Variants in PRKN observed in about 807,000 individuals in gnomAD.
PRKN encodes the protein E3 ubiquitin-protein ligase parkin.
A neutral mutation model predicts 59.5 loss-of-function variants in PRKN; 56 were observed. The ratio of observed to expected loss-of-function variants is 0.94; its 90% confidence interval spans 0.76 to 1.18. The LOEUF (loss-of-function observed/expected upper bound fraction) is 1.18. Ranked by LOEUF, PRKN falls within the 50% of genes most tolerant of loss-of-function variation. The pLI, the probability that PRKN is intolerant of heterozygous loss-of-function variation, is 0.00. For missense variants in PRKN, 657 were observed against 596.4 expected (o/e 1.10, Z -1.06); for synonymous variants, 250 against 222.1 (o/e 1.13, Z -1.12).
chr6:162,433,512 CAT>C (rs956296020), intron 2 of PRKN, among the ~76,000 whole-genome samples: 8 of 151,988 alleles, frequency 5.3e-5, no homozygotes, highest in African/African-American at 7.2e-5. Context: ...ATGAAAAAAA[CAT>C]ATAAAAAGTT....
At chr6:162,628,385 T>C (rs1782980915) in intron 1 of PRKN, among the ~76,000 whole-genome samples, 1 of 152,168 alleles carries the variant, frequency 6.6e-6, no homozygotes, top group African/African-American at 2.4e-5. Flanking sequence ...CCACCCTTTT[T>C]TGAGCATTCA....
At chr6:161,759,729 C>A (rs558752000) in intron 7 of PRKN, among the ~76,000 whole-genome samples, 2 of 152,310 alleles carry the variant, frequency 1.3e-5, no homozygotes, top group South Asian at 2.1e-4. Flanking sequence ...TGTCTGGCTT[C>A]CACAACCTTA....
chr6:162,256,319 G>T (rs1779638207), intron 3 of PRKN, among the ~76,000 whole-genome samples: 1 of 152,004 alleles, frequency 6.6e-6, no homozygotes, highest in Non-Finnish European at 1.5e-5. Context: ...GAAATGTTTG[G>T]AAGCTACAGG....
chr6:162,042,091 G>T (rs957865291), intron 5 of PRKN, among the ~76,000 whole-genome samples: 11 of 151,810 alleles, frequency 7.2e-5, no homozygotes, highest in African/African-American at 2.7e-4. Flanking sequence ...ACCTCACAAT[G>T]CATCAATGCA....
intron 7 of PRKN, among the ~76,000 whole-genome samples, chr6:161,737,260 T>G (rs1788001499): frequency 6.6e-6 from 1 of 152,178 alleles, no homozygotes; most frequent in Non-Finnish European, 1.5e-5. Flanking sequence ...GGGAATGAAC[T>G]AAATCAGGGG....
chr6:162,317,464 A>T (rs1051201052), intron 2 of PRKN, among the ~76,000 whole-genome samples: 4 of 152,064 alleles, frequency 2.6e-5, no homozygotes, highest in African/African-American at 9.7e-5. Context: ...TTTGCTTTAT[A>T]AATTACCCAG....
chr6:161,411,695 C>T (rs765989563), intron 9 of PRKN, among the ~76,000 whole-genome samples: 1 of 151,920 alleles, frequency 6.6e-6, no homozygotes, highest in Non-Finnish European at 1.5e-5. Context: ...CATTCTTCCA[C>T]TCATTCCTTC....
intron 1 of PRKN, among the ~76,000 whole-genome samples, chr6:162,551,914 T>C (rs1583783633): frequency 6.6e-6 from 1 of 152,146 alleles, no homozygotes; most frequent in Admixed American, 6.5e-5. Flanking sequence ...ACACAGGTAA[T>C]ACAGAAGCAA....
At chr6:161,596,375 C>A (rs1243613702) in intron 7 of PRKN, among the ~76,000 whole-genome samples, 1 of 152,150 alleles carries the variant, frequency 6.6e-6, no homozygotes, top group Non-Finnish European at 1.5e-5. Context: ...GTCAGAGAAT[C>A]ACTTATTTGG....
Position 161,855,711 on chromosome 6 carries a change from T to G in PRKN, c.735-69803A>C, listed in dbSNP as rs550631201. 4.6e-5 allele frequency among the ~76,000 whole-genome samples: 7 copies of G among 152,342 alleles called. No homozygotes were observed. In the South Asian group the frequency reaches 8.3e-4, roughly 18 times the overall value. On this transcript the variant is annotated intron_variant, in intron 6 of 11. Transcript: ENST00000366898. ...ATATTTGACAGATAATCCTTATACC[T>G]GTTGCTTCAAATAATAAAAATAACC...
At chr6:162,342,909 G>GA (rs1337933543) in intron 2 of PRKN, among the ~76,000 whole-genome samples, 2 of 151,958 alleles carry the variant, frequency 1.3e-5, no homozygotes, top group Non-Finnish European at 2.9e-5. Context: ...ATGATGGTAG[G>GA]AAAAAAGAGT....
intron 5 of PRKN, among the ~76,000 whole-genome samples, chr6:161,981,586 C>A (rs1781258924): frequency 6.6e-6 from 1 of 152,076 alleles, no homozygotes; most frequent in Non-Finnish European, 1.5e-5. Flanking sequence ...CATTCTCTAC[C>A]TAATACATAA....
intron 9 of PRKN, among the ~76,000 whole-genome samples, chr6:161,514,190 T>C (rs1028199980): frequency 2.0e-5 from 3 of 150,458 alleles, no homozygotes; most frequent in Non-Finnish European, 1.5e-5. Flanking sequence ...GTAGAGAGAG[T>C]GGAAAAAAAC....
chr6:161,482,801 CAAGG>C (rs757365691), intron 9 of PRKN, among the ~76,000 whole-genome samples: 1 of 152,158 alleles, frequency 6.6e-6, no homozygotes, highest in Non-Finnish European at 1.5e-5. Context: ...TGAATTTTTA[CAAGG>C]GTTTCCTAGA....
rs114298220 is a variant in PRKN at position 161,461,906 on chromosome 6, G to C, written c.1084-75029C>G. Reference sequence around the variant, plus strand: ...GCAGAAATACACGAGAAGGTCTGAGGGAGGGCTTGGCTTGAAGAGAGGACC... The same window carrying C: ...GCAGAAATACACGAGAAGGTCTGAGCGAGGGCTTGGCTTGAAGAGAGGACC... On this transcript the variant is annotated intron_variant, in intron 9 of 11. Transcript: ENST00000366898. The surrounding 1 kb of genome is among the most constrained non-coding windows in gnomAD (Gnocchi z 5.1). 2.7e-3 allele frequency among the ~76,000 whole-genome samples: 413 copies of C among 152,256 alleles called. 1 individual carries two copies. The highest frequency in any genetic ancestry group is 9.7e-3 in the African/African-American group (403 of 41,542).
intron 6 of PRKN, among the ~76,000 whole-genome samples, chr6:161,934,280 T>C (rs115017968): frequency 0.018 from 2,786 of 152,256 alleles, 91 homozygotes; most frequent in African/African-American, 0.064. Context: ...TCCCCAGACA[T>C]GTGGAACTGT....
chr6:161,817,748 C>G (rs551060826), intron 6 of PRKN, among the ~76,000 whole-genome samples: 1 of 152,306 alleles, frequency 6.6e-6, no homozygotes, highest in African/African-American at 2.4e-5. Context: ...AAACAAAGAA[C>G]TGTGAACACA....
At chr6:161,668,330 C>T (rs1784794206) in intron 7 of PRKN, among the ~76,000 whole-genome samples, 1 of 150,542 alleles carries the variant, frequency 6.6e-6, no homozygotes, top group African/African-American at 2.4e-5. Context: ...ACTAGAGTTC[C>T]ATGAAACTGG....
chr6:162,396,182 T>C (rs1194678828), intron 2 of PRKN, among the ~76,000 whole-genome samples: 2 of 152,316 alleles, frequency 1.3e-5, no homozygotes, highest in East Asian at 1.9e-4. Flanking sequence ...ATTTTGTTTG[T>C]ATATGTACTA....
Sources: gnomAD v4.1 joint callset for allele counts (sites outside exome capture counted in the v4.1 genomes callset) on GRCh38, gnomAD v4.1.1 for gene constraint, Gnocchi (gnomAD v3.1) non-coding constraint, MANE v1.5 for transcripts, NCBI Gene and HGNC (gene_info 2026-07-23, HGNC 2026-07-21) for gene names.